The following PSD2 variants were observed in gnomAD, a reference collection of about 807,000 sequenced individuals.
PSD2 encodes the protein pleckstrin and Sec7 domain containing 2, also known as PH and SEC7 domain-containing protein 2.
In PSD2, 38 loss-of-function variants were observed where a neutral mutation model predicts 69.8. The observed-to-expected ratio is 0.54, with a 90% CI of 0.42 to 0.71. PSD2 has a LOEUF of 0.71. PSD2 is among the 30% of genes least tolerant of loss of function. The pLI is 0.00. For synonymous variants in PSD2, 412 were observed against 423.0 expected, an observed-to-expected ratio of 0.97 and a Z score of 0.32; for missense variants, 943 against 1,014.5, an observed-to-expected ratio of 0.93 and a Z score of 0.96.
intron 7 of PSD2, among the ~76,000 whole-genome samples, chr5:139,830,572 TTC>T (rs1335719434): frequency 7.5e-6 from 1 of 132,524 alleles, no homozygotes; most frequent in African/African-American, 3.4e-5. Flanking sequence ...CTTCCTTTCT[TTC>T]TTTCTTTCTT....
the PSD2 span, among the ~76,000 whole-genome samples, chr5:139,759,410 A>ACCC: frequency 6.6e-6 from 1 of 151,774 alleles, no homozygotes; most frequent in Non-Finnish European, 1.5e-5. Context: ...GCTGCCCCCG[A>ACCC]TCGCGGTCAC....
At chr5:139,746,014 T>G in the PSD2 span, among the ~76,000 whole-genome samples, 1 of 152,176 alleles carries the variant, frequency 6.6e-6, no homozygotes, top group Non-Finnish European at 1.5e-5. This position sits in a 1 kb window ranked among gnomAD's most constrained non-coding sequence, Gnocchi z 4.5. Context: ...ACCACACGTC[T>G]AGGTATCAGG....
intron 1 of PSD2, among the ~76,000 whole-genome samples, chr5:139,807,339 C>T (rs999769417): frequency 6.6e-6 from 1 of 152,000 alleles, no homozygotes; most frequent in Admixed American, 6.6e-5. Flanking sequence ...ACTTCTTTTT[C>T]CTTTCTAAAT....
At chr5:139,772,590 C>T in the PSD2 span, 1 of 152,392 alleles carries the variant, frequency 6.6e-6, no homozygotes, top group Non-Finnish European at 1.5e-5. Flanking sequence ...ACACTCATGC[C>T]CAGCACAGGG....
chr5:139,828,046 G>C (rs547390832), intron 7 of PSD2, among the ~76,000 whole-genome samples: 13 of 152,248 alleles, frequency 8.5e-5, no homozygotes, highest in Admixed American at 3.3e-4. Flanking sequence ...TGCCAATGCT[G>C]GTGATGATGG....
chr5:139,830,565 C>CCTTCCTTCCTTCCTTTCTTTCTTT (rs1554096354), intron 7 of PSD2, among the ~76,000 whole-genome samples: 5 of 120,412 alleles, frequency 4.2e-5, no homozygotes, highest in African/African-American at 1.5e-4. Flanking sequence ...TTCCTTCCTT[C>CCTTCCTTCCTTCCTTTCTTTCTTT]CTTTCTTTCT....
In PSD2 at chr5:139,808,852, T is replaced by C. The variant is rs943600041; in HGVS notation, c.-50-539T>C. On this transcript the variant is annotated intron_variant, in intron 1 of 14. Transcript: ENST00000274710. Reference sequence around the variant, plus strand: ...GGCCCTGCTCCAATTAGGCTGCGTCTGTTGACTTCCTTGCCTCCTCTCTTA... The same window carrying C: ...GGCCCTGCTCCAATTAGGCTGCGTCCGTTGACTTCCTTGCCTCCTCTCTTA... Among the ~76,000 whole-genome samples, 3 of 152,384 alleles carry C rather than the reference T, an allele frequency of 2.0e-5. No individual in the cohort carries two copies. In the South Asian group the frequency reaches 6.2e-4, roughly 32 times the overall value.
the PSD2 span, among the ~76,000 whole-genome samples, chr5:139,785,879 A>G: frequency 6.6e-6 from 1 of 152,254 alleles, no homozygotes; most frequent in East Asian, 1.9e-4. Flanking sequence ...GCTTGAGGTC[A>G]GAAGTTTGAG....
intron 14 of PSD2, among the ~76,000 whole-genome samples, chr5:139,840,471 A>G (rs928275810): frequency 5.9e-5 from 9 of 152,032 alleles, no homozygotes; most frequent in African/African-American, 2.2e-4. Context: ...TTATTTCTCC[A>G]TGCCCTCACC....
chr5:139,831,052 AAT>A (rs916486382), intron 7 of PSD2, among the ~76,000 whole-genome samples: 1 of 151,952 alleles, frequency 6.6e-6, no homozygotes, highest in Admixed American at 6.6e-5. Flanking sequence ...CAAGATTGTG[AAT>A]ATGTCTTCTT....
upstream of PSD2, among the ~76,000 whole-genome samples, chr5:139,792,356 A>G (rs1478888571): frequency 6.6e-6 from 1 of 152,166 alleles, no homozygotes; most frequent in African/African-American, 2.4e-5. Flanking sequence ...TTGGACCCAA[A>G]TGAGTCCTCC....
chr5:139,793,359 GCAGC>G (rs1432926841), upstream of PSD2, among the ~76,000 whole-genome samples: 1 of 152,218 alleles, frequency 6.6e-6, no homozygotes, highest in Non-Finnish European at 1.5e-5. Flanking sequence ...TGGCCTCCAG[GCAGC>G]CCTCTGAGCC....
upstream of PSD2, among the ~76,000 whole-genome samples, chr5:139,794,982 T>G (rs1272360143): frequency 6.6e-6 from 1 of 152,122 alleles, no homozygotes; most frequent in Non-Finnish European, 1.5e-5. Context: ...GGAGACACCG[T>G]GGGACAGGTG....
the PSD2 span, among the ~76,000 whole-genome samples, chr5:139,780,591 G>GC: frequency 6.6e-6 from 1 of 151,996 alleles, no homozygotes; most frequent in Admixed American, 6.6e-5. Flanking sequence ...TTACAGGCAC[G>GC]CAGCACCATG....
At chr5:139,766,960 T>TCTTTCTTC in the PSD2 span, among the ~76,000 whole-genome samples, 4 of 140,900 alleles carry the variant, frequency 2.8e-5, no homozygotes, top group Non-Finnish European at 6.1e-5. Flanking sequence ...TTTCTTTCTT[T>TCTTTCTTC]CTTTCTTTCT....
the PSD2 span, among the ~76,000 whole-genome samples, chr5:139,786,991 C>T: frequency 5.9e-5 from 9 of 152,126 alleles, no homozygotes; most frequent in Non-Finnish European, 1.0e-4. Flanking sequence ...TTCTGTCACT[C>T]GCACAACCAC....
In PSD2 at chr5:139,814,060, G is replaced by A. The variant is rs1581719849; in HGVS notation, c.822-110G>A. 1 of 1,048,312 alleles carries A rather than the reference G, an allele frequency of 9.5e-7. No homozygotes were observed. The highest frequency in any genetic ancestry group is 2.4e-5 in the East Asian group (1 of 41,374). The allele number at this position is 1,048,312 out of a possible 1,614,324, so 64.9% of individuals were successfully genotyped here. On this transcript the variant is annotated intron_variant, in intron 3 of 14. Coordinates refer to ENST00000274710, the MANE Select transcript of PSD2 (RefSeq NM_032289.4). This position sits in a 1 kb window ranked among gnomAD's most constrained non-coding sequence, Gnocchi z 4.4. ...CGGCTGCAGTGGAGCTTCTTTCCCT[G>A]TTCTGGCCCCTACATGGTTTGCAGT... is the stretch of plus-strand genomic sequence containing the variant.
chr5:139,766,158 A>G, the PSD2 span, among the ~76,000 whole-genome samples: 3 of 152,174 alleles, frequency 2.0e-5, no homozygotes, highest in Non-Finnish European at 4.4e-5. Context: ...CGCTGAGTCC[A>G]CAGATGAAGG....
At chr5:139,777,650 G>A in the PSD2 span, among the ~76,000 whole-genome samples, 4 of 152,108 alleles carry the variant, frequency 2.6e-5, no homozygotes, top group African/African-American at 7.2e-5. Flanking sequence ...TTGGGAGGCC[G>A]ACGTGGGTGG....
Sources: allele counts gnomAD v4.1 joint callset (sites outside exome capture counted in the v4.1 genomes callset), GRCh38; gene constraint gnomAD v4.1.1; non-coding constraint Gnocchi (gnomAD v3.1); transcripts MANE v1.5; gene names NCBI Gene and HGNC (gene_info 2026-07-23, HGNC 2026-07-21).